SMAD3: variants seen among roughly 807,000 people sequenced by gnomAD.
The protein encoded by SMAD3 is MAD homolog 3.
A neutral mutation model predicts 51.8 loss-of-function variants in SMAD3; 12 were observed. The observed-to-expected ratio is 0.23, with a 90% confidence interval of 0.15 to 0.38. The LOEUF (loss-of-function observed/expected upper bound fraction) is 0.38, where lower values mean the gene tolerates loss of function less well. SMAD3 is among the 10% of genes least tolerant of loss of function. The pLI is 1.00. For missense variants in SMAD3, 294 were observed against 565.6 expected (o/e 0.52, Z 4.87); for synonymous variants, 238 against 227.7 (o/e 1.05, Z -0.41).
chr15:67,163,675 C>G (rs564133948), intron 1 of SMAD3, among the ~76,000 whole-genome samples: 1 of 152,182 alleles, frequency 6.6e-6, no homozygotes, highest in Non-Finnish European at 1.5e-5. Flanking sequence ...ACCTCTGCTG[C>G]TGGTCAGGGA....
At chr15:67,131,743 C>A (rs1013896138) in intron 1 of SMAD3, among the ~76,000 whole-genome samples, 3 of 152,128 alleles carry the variant, frequency 2.0e-5, no homozygotes, top group African/African-American at 7.2e-5. Flanking sequence ...AAATGAAGCC[C>A]GATTTGCCAG....
At chr15:67,098,620 AT>A (rs1355857270) in intron 1 of SMAD3, 3 of 513,854 alleles carry the variant, frequency 5.8e-6, no homozygotes, top group Non-Finnish European at 1.1e-5. Flanking sequence ...TGAGGCCCAG[AT>A]CTGCTTATTT....
intron 5 of SMAD3, among the ~76,000 whole-genome samples, chr15:67,173,570 G>A (rs1962809460): frequency 6.6e-6 from 1 of 152,140 alleles, no homozygotes; most frequent in African/African-American, 2.4e-5. Flanking sequence ...TGGCAGGTGG[G>A]GCACTGGGAA....
At chr15:67,092,372 C>T (rs1960525589) in intron 1 of SMAD3, among the ~76,000 whole-genome samples, 1 of 152,186 alleles carries the variant, frequency 6.6e-6, no homozygotes. Flanking sequence ...TAACCATTCC[C>T]CAGCTGTTAG....
At chr15:67,177,422 G>GTTTTTTTTTTGT (rs1555413212) in intron 5 of SMAD3, among the ~76,000 whole-genome samples, 1 of 93,874 alleles carries the variant, frequency 1.1e-5, no homozygotes, top group Non-Finnish European at 2.1e-5. Flanking sequence ...AGTGTTTTGG[G>GTTTTTTTTTTGT]TTTTTTTTTT....
intron 1 of SMAD3, among the ~76,000 whole-genome samples, chr15:67,135,807 A>G (rs935013020): frequency 4.6e-5 from 7 of 152,346 alleles, no homozygotes; most frequent in Admixed American, 3.3e-4. Context: ...AACGTGAAAC[A>G]TTTGAATTAC....
At chr15:67,149,258 G>T (rs529964763) in intron 1 of SMAD3, among the ~76,000 whole-genome samples, 1 of 152,154 alleles carries the variant, frequency 6.6e-6, no homozygotes, top group Non-Finnish European at 1.5e-5. Flanking sequence ...CACTACTTGG[G>T]CCTGTTCAGC....
intron 1 of SMAD3, among the ~76,000 whole-genome samples, chr15:67,126,861 G>C (rs567851747): frequency 1.3e-5 from 2 of 152,184 alleles, no homozygotes; most frequent in African/African-American, 2.4e-5. Flanking sequence ...ATTGTGGAGT[G>C]GGGGGCAGTG....
At chr15:67,100,335 GA>G (rs1960723257) in intron 1 of SMAD3, among the ~76,000 whole-genome samples, 1 of 152,138 alleles carries the variant, frequency 6.6e-6, no homozygotes, top group African/African-American at 2.4e-5. Flanking sequence ...CACAGAGACA[GA>G]AAGCAGATTA....
At chr15:67,138,672 T>C (rs1054197191) in intron 1 of SMAD3, 7 of 152,540 alleles carry the variant, frequency 4.6e-5, no homozygotes, top group Non-Finnish European at 8.8e-5. Context: ...CCTGTGACTG[T>C]TTTCACATGG....
chr15:67,158,982 A>G (rs988779085), intron 1 of SMAD3, among the ~76,000 whole-genome samples: 5 of 152,112 alleles, frequency 3.3e-5, no homozygotes, highest in African/African-American at 1.2e-4. Flanking sequence ...CAAATCATAT[A>G]TCTCTTTTTT....
intron 1 of SMAD3, among the ~76,000 whole-genome samples, chr15:67,082,005 C>A (rs1454432591): frequency 1.3e-5 from 2 of 151,980 alleles, no homozygotes; most frequent in African/African-American, 4.8e-5. Flanking sequence ...TAGGCACCAA[C>A]TTACTGATTA....
At chr15:67,170,806 ACAACCATATG>A (rs1962730522) in intron 5 of SMAD3, 3 of 573,762 alleles carry the variant, frequency 5.2e-6, no homozygotes, top group Admixed American at 3.1e-5. Context: ...GGCAGGAAAG[ACAACCATATG>A]CCAGGTTTGT....
At chr15:67,164,316 GAAAAAAAAA>G (rs59880604) in intron 1 of SMAD3, among the ~76,000 whole-genome samples, 46,639 of 82,286 alleles carry the variant, frequency 0.57, 8,973 homozygotes, top group Middle Eastern at 0.65. Context: ...CTCCGTCTCA[GAAAAAAAAA>G]AAAAAAAAAA....
chr15:67,079,001 G>A (rs1037036377), intron 1 of SMAD3, among the ~76,000 whole-genome samples: 6 of 150,454 alleles, frequency 4.0e-5, no homozygotes, highest in African/African-American at 9.8e-5. Context: ...TTTTTGAGAC[G>A]GAGTTTCGCT....
At chr15:67,088,253 G>C (rs1960435887) in intron 1 of SMAD3, among the ~76,000 whole-genome samples, 1 of 152,184 alleles carries the variant, frequency 6.6e-6, no homozygotes, top group South Asian at 2.1e-4. Context: ...AGGGTTACTT[G>C]ATGCTAAACG....
At chr15:67,163,116 G>C (rs1428200691) in intron 1 of SMAD3, among the ~76,000 whole-genome samples, 2 of 152,076 alleles carry the variant, frequency 1.3e-5, no homozygotes, top group African/African-American at 2.4e-5. Flanking sequence ...TGGGATTACA[G>C]GCGCCCGCCA....
intron 1 of SMAD3, among the ~76,000 whole-genome samples, chr15:67,091,406 C>T (rs1333569811): frequency 2.6e-5 from 4 of 152,296 alleles, no homozygotes; most frequent in East Asian, 3.9e-4. Flanking sequence ...TCCGGTGTTG[C>T]GGTGATACAT....
chr15:67,128,988 C>T (rs1011923293), intron 1 of SMAD3, among the ~76,000 whole-genome samples: 3 of 152,150 alleles, frequency 2.0e-5, no homozygotes, highest in East Asian at 3.9e-4. Context: ...TTTACAGATG[C>T]GGCAACAGAA....
Sources: gnomAD v4.1 joint callset for allele counts (sites outside exome capture counted in the v4.1 genomes callset) on GRCh38, gnomAD v4.1.1 for gene constraint, MANE v1.5 for transcripts, NCBI Gene and HGNC (gene_info 2026-07-23, HGNC 2026-07-21) for gene names.